The following OR51B5 variants were observed in gnomAD, a reference collection of about 807,000 sequenced individuals.
The protein encoded by OR51B5 is olfactory receptor 51B5.
For missense variants in OR51B5, 456 were observed against 374.6 expected, an observed-to-expected ratio of 1.22 and a Z score of -1.79; for synonymous variants, 186 against 144.8, an observed-to-expected ratio of 1.28 and a Z score of -2.04.
At chr11:5,477,224 G>A (rs543400411) in intron 1 of OR51B5, among the ~76,000 whole-genome samples, 3 of 152,130 alleles carry the variant, frequency 2.0e-5, no homozygotes, top group Non-Finnish European at 2.9e-5. Flanking sequence ...GGGGCCCCAT[G>A]AGTAGTGATG....
intron 1 of OR51B5, among the ~76,000 whole-genome samples, chr11:5,384,584 T>C (rs1849656453): frequency 6.6e-6 from 1 of 152,258 alleles, no homozygotes; most frequent in Admixed American, 6.5e-5. Flanking sequence ...CCCTGGATCA[T>C]GTCTAGAAGT....
At chr11:5,441,394 T>C (rs779318897) in intron 1 of OR51B5, 2 of 1,613,626 alleles carry the variant, frequency 1.2e-6, no homozygotes, top group Non-Finnish European at 1.7e-6. Context: ...TTACCTACAA[T>C]GGAGATCATG....
chr11:5,438,630 C>A (rs1417239625), intron 1 of OR51B5, among the ~76,000 whole-genome samples: 1 of 152,140 alleles, frequency 6.6e-6, no homozygotes, highest in African/African-American at 2.4e-5. Flanking sequence ...TCAGTTTCTG[C>A]CTCCATTAAA....
At chr11:5,387,759 T>C (rs1374804035) in intron 1 of OR51B5, among the ~76,000 whole-genome samples, 1 of 152,056 alleles carries the variant, frequency 6.6e-6, no homozygotes, top group Non-Finnish European at 1.5e-5. Context: ...AGCCACACAC[T>C]TGCCCTCTGA....
chr11:5,342,832 C>G, exon 1 of OR51B5: 4 of 1,613,020 alleles, frequency 2.5e-6, no homozygotes, highest in Non-Finnish European at 3.4e-6. Context: ...CCTTGGCCCT[C>G]TCCTCTCTGG....
chr11:5,471,942 A>T (rs1334689596), intron 1 of OR51B5, among the ~76,000 whole-genome samples: 3 of 152,196 alleles, frequency 2.0e-5, no homozygotes, highest in African/African-American at 7.2e-5. Context: ...TGTGATAAAG[A>T]GGGACATTGA....
intron 1 of OR51B5, among the ~76,000 whole-genome samples, chr11:5,483,604 A>C (rs925483170): frequency 6.6e-5 from 10 of 151,896 alleles, no homozygotes; most frequent in African/African-American, 2.4e-4. Context: ...TGAAAAAGAG[A>C]TCAGAATAGA....
At chr11:5,483,482 A>G (rs1851455691) in intron 1 of OR51B5, among the ~76,000 whole-genome samples, 4 of 142,850 alleles carry the variant, frequency 2.8e-5, no homozygotes, top group African/African-American at 7.8e-5. Context: ...CAACGTGCAC[A>G]TGTACCCTAA....
intron 1 of OR51B5, among the ~76,000 whole-genome samples, chr11:5,417,729 A>G (rs1294208062): frequency 2.6e-5 from 4 of 151,456 alleles, no homozygotes; most frequent in African/African-American, 7.3e-5. Context: ...ATGAGATATC[A>G]TCTCACACCA....
intron 1 of OR51B5, among the ~76,000 whole-genome samples, chr11:5,350,408 T>C (rs756146242): frequency 6.6e-6 from 1 of 152,192 alleles, no homozygotes. Flanking sequence ...TTCAATAGTA[T>C]ATGAGATGTA....
chr11:5,364,284 G>A (rs1192224067), intron 1 of OR51B5, among the ~76,000 whole-genome samples: 6 of 152,118 alleles, frequency 3.9e-5, no homozygotes, highest in Admixed American at 1.3e-4. Flanking sequence ...ACTTTCCCTC[G>A]ACCTTGACCA....
At chr11:5,499,237 A>G (rs1851688089) in intron 1 of OR51B5, among the ~76,000 whole-genome samples, 1 of 100,630 alleles carries the variant, frequency 9.9e-6, no homozygotes, top group Non-Finnish European at 2.2e-5. Context: ...TAGTACAGCC[A>G]TTCAAAATAG....
At chr11:5,358,226 CA>C (rs1849224141) in intron 1 of OR51B5, among the ~76,000 whole-genome samples, 1 of 151,988 alleles carries the variant, frequency 6.6e-6, no homozygotes, top group Non-Finnish European at 1.5e-5. Flanking sequence ...AAAAGATCAA[CA>C]AAATTGATAG....
intron 1 of OR51B5, among the ~76,000 whole-genome samples, chr11:5,461,221 G>T (rs535968401): frequency 4.0e-4 from 61 of 152,334 alleles, no homozygotes; most frequent in African/African-American, 1.3e-3. Flanking sequence ...TCGGGCGATG[G>T]TGGGTCTTCC....
chr11:5,423,206 G>T, intron 1 of OR51B5: 2 of 1,469,492 alleles, frequency 1.4e-6, no homozygotes, highest in Admixed American at 2.5e-5. Flanking sequence ...GCTTAAGGGG[G>T]GAATATATTC....
At chr11:5,372,706 G>T (rs1849464434) in intron 1 of OR51B5, among the ~76,000 whole-genome samples, 1 of 152,134 alleles carries the variant, frequency 6.6e-6, no homozygotes, top group Admixed American at 6.5e-5. Context: ...CTCCCAAACT[G>T]TTCCTTTTGA....
At chr11:5,402,012 TTTTC>T (rs1431343288) in intron 1 of OR51B5, among the ~76,000 whole-genome samples, 2 of 151,490 alleles carry the variant, frequency 1.3e-5, no homozygotes, top group African/African-American at 2.4e-5. Flanking sequence ...TTTTTCTTTC[TTTTC>T]TTTTCTCTTC....
Position 5,343,113 on chromosome 11 carries a change from G to A in OR51B5, c.412C>T (p.Arg138Ter), listed in dbSNP as rs200158892. Reference sequence around the variant, plus strand: ...ACTCCCAGCCCAATCTTCACTACTCGAGTATTAGTAAGTACAGAGGTATAT... The same window carrying A: ...ACTCCCAGCCCAATCTTCACTACTCAAGTATTAGTAAGTACAGAGGTATAT... Residue 138 changes from arginine to a stop codon, truncating the protein, a stop_gained, in exon 1 of 1, where the codon CGA becomes TGA. Coordinates refer to ENST00000300773, the Ensembl canonical transcript of OR51B5. LOFTEE classifies it low-confidence loss of function (END_TRUNC). 2.6e-5 allele frequency: 42 copies of A among 1,612,902 alleles called. No homozygotes were observed. The highest frequency in any genetic ancestry group is 6.6e-5 in the South Asian group (6 of 90,938).
At chr11:5,449,587 G>A (rs1315123408) in intron 1 of OR51B5, among the ~76,000 whole-genome samples, 6 of 152,178 alleles carry the variant, frequency 3.9e-5, no homozygotes, top group Admixed American at 3.3e-4. Flanking sequence ...AACCCCAAGC[G>A]ATTCATTGAG....
Sources: allele counts gnomAD v4.1 joint callset (sites outside exome capture counted in the v4.1 genomes callset), GRCh38; gene constraint gnomAD v4.1.1; transcripts MANE v1.5; gene names NCBI Gene and HGNC (gene_info 2026-07-23, HGNC 2026-07-21).